The following PLEK2 variants were observed in gnomAD, a reference collection of about 807,000 sequenced individuals.
PLEK2 encodes the protein pleckstrin-2.
In PLEK2, 29 loss-of-function variants were observed where a neutral mutation model predicts 43.8. The observed-to-expected ratio is 0.66, with a 90% CI of 0.49 to 0.90. PLEK2 has a LOEUF of 0.90. Ranked by LOEUF, PLEK2 falls within the 40% of genes least tolerant of loss-of-function variation. The pLI is 0.00. For missense variants in PLEK2, 398 were observed against 448.1 expected (o/e 0.89, Z 1.01); for synonymous variants, 162 against 173.2 (o/e 0.94, Z 0.51).
At chr14:67,401,644 C>G (rs2086049622) in intron 1 of PLEK2, among the ~76,000 whole-genome samples, 1 of 152,146 alleles carries the variant, frequency 6.6e-6, no homozygotes, top group Non-Finnish European at 1.5e-5. Flanking sequence ...TTAGAAGAAA[C>G]CAAACTGCTG....
chr14:67,402,749 G>A (rs2086056946), intron 1 of PLEK2, among the ~76,000 whole-genome samples: 1 of 152,186 alleles, frequency 6.6e-6, no homozygotes, highest in Admixed American at 6.5e-5. Flanking sequence ...TGTTGCAAAT[G>A]ACAGGATCTC....
chr14:67,387,905 G>A (rs2085938070), intron 8 of PLEK2, among the ~76,000 whole-genome samples: 1 of 152,174 alleles, frequency 6.6e-6, no homozygotes, highest in Admixed American at 6.6e-5. Flanking sequence ...TTAGTATTAT[G>A]ATACATATTA....
At chr14:67,396,274 A>G (rs567241539) in intron 2 of PLEK2, among the ~76,000 whole-genome samples, 5 of 151,670 alleles carry the variant, frequency 3.3e-5, no homozygotes, top group Admixed American at 2.6e-4. Flanking sequence ...CAGCCTCTTG[A>G]GTAGATGGGA....
intron 6 of PLEK2, among the ~76,000 whole-genome samples, 157 bp from the exon 7 acceptor site, chr14:67,390,903 A>T (rs550647709): frequency 6.6e-6 from 1 of 152,280 alleles, no homozygotes; most frequent in African/African-American, 2.4e-5. Context: ...TAGCAATGAC[A>T]TGTCACAGAC....
At chr14:67,397,494 A>G (rs886696184) in intron 2 of PLEK2, among the ~76,000 whole-genome samples, 168 bp downstream of exon 2, 1 of 152,214 alleles carries the variant, frequency 6.6e-6, no homozygotes, top group Non-Finnish European at 1.5e-5. Flanking sequence ...AGGTTTAGCT[A>G]CTTGTCCAAG....
chr14:67,412,034 C>T lies in PLEK2; in HGVS notation c.26G>A (p.Gly9Asp). The change falls in exon 1 of 9, where the codon GGC becomes GAC. Residue 9 changes from glycine (G) to aspartate (D), a missense_variant. Gly to Asp is a moderately conservative substitution (Grantham distance 94, BLOSUM62 -1). Coordinates refer to ENST00000216446, the MANE Select transcript of PLEK2 (RefSeq NM_016445.3). ...CGCACTCACCCTCTTGACCAGGAAG[C>T]CCTCCTTGAGCACGCCGTCCTCCAT... MEDGVLKE[G>D]FLVKRGHIVH... is the part of the protein sequence containing the mutation. 1 of 1,558,418 alleles carries T rather than the reference C, an allele frequency of 6.4e-7. No homozygotes were observed. Among genetic ancestry groups the T allele is most frequent in the East Asian group, 2.6e-5 (1 of 38,836 alleles).
intron 1 of PLEK2, among the ~76,000 whole-genome samples, chr14:67,401,303 A>G (rs914524854): frequency 6.6e-6 from 1 of 152,092 alleles, no homozygotes; most frequent in Non-Finnish European, 1.5e-5. Context: ...CCTCAGCAAC[A>G]TAGGAAGACC....
At chr14:67,389,966 T>C (rs1277642569) in intron 7 of PLEK2, among the ~76,000 whole-genome samples, 1 of 151,978 alleles carries the variant, frequency 6.6e-6, no homozygotes, top group Non-Finnish European at 1.5e-5. Context: ...CCTAGCTGGG[T>C]CCAGGCAGGG....
In PLEK2 at chr14:67,406,088, G is replaced by A. The variant is rs148309011; in HGVS notation, c.42+5930C>T. ...AGCCTGGCCAAAAAGGTTAAACCCC[G>A]TCTCTACTAAAAATTCAAAAATTAG... On this transcript the variant is annotated intron_variant, in intron 1 of 8. Coordinates refer to ENST00000216446, the MANE Select transcript of PLEK2 (RefSeq NM_016445.3). 6.6e-3 allele frequency among the ~76,000 whole-genome samples: 996 copies of A among 152,042 alleles called. 11 individuals are homozygous for A. The highest frequency in any genetic ancestry group is 0.02 in the African/African-American group (833 of 41,462).
intron 6 of PLEK2, among the ~76,000 whole-genome samples, chr14:67,391,760 A>T (rs1391345794): frequency 6.6e-6 from 1 of 152,234 alleles, no homozygotes; most frequent in Admixed American, 6.5e-5. Flanking sequence ...GCCGCAGGAC[A>T]CGGCTTGCCT....
At chr14:67,401,621 G>A (rs2086049517) in intron 1 of PLEK2, among the ~76,000 whole-genome samples, 1 of 152,146 alleles carries the variant, frequency 6.6e-6, no homozygotes, top group Admixed American at 6.5e-5. Flanking sequence ...TGCAAGCCAA[G>A]GAGAGAGAGG....
rs2085984249 is a variant in PLEK2 at position 67,393,464 on chromosome 14, T to A, written c.390-223A>T. ...ATTTTTGTTGTTGTTGTTTTTTGTT[T>A]GTTTTTTGAGACAGAGTCTCGCTCC... On this transcript the variant is annotated intron_variant, in intron 3 of 8. Coordinates refer to ENST00000216446, the MANE Select transcript of PLEK2 (RefSeq NM_016445.3). Among the ~76,000 whole-genome samples, 3 of 152,160 alleles carry A rather than the reference T, an allele frequency of 2.0e-5. No individual in the cohort carries two copies. In the South Asian group the frequency reaches 6.2e-4, roughly 32 times the overall value.
At chr14:67,399,814 C>T (rs192794783) in intron 1 of PLEK2, among the ~76,000 whole-genome samples, 1 of 152,302 alleles carries the variant, frequency 6.6e-6, no homozygotes, top group East Asian at 1.9e-4. Flanking sequence ...GTCAGGTGAA[C>T]ATGGAGAGCC....
At chr14:67,408,280 C>T (rs1194855442) in intron 1 of PLEK2, among the ~76,000 whole-genome samples, 1 of 124,038 alleles carries the variant, frequency 8.1e-6, no homozygotes. Flanking sequence ...GAGCAAAATT[C>T]GGTCTCAAAA....
At chr14:67,389,858 G>A (rs771659970) in intron 7 of PLEK2, among the ~76,000 whole-genome samples, 16 of 151,548 alleles carry the variant, frequency 1.1e-4, no homozygotes, top group Non-Finnish European at 1.3e-4. Context: ...AAAGGAAGGA[G>A]TTTGAACTCC....
intron 7 of PLEK2, among the ~76,000 whole-genome samples, chr14:67,389,918 T>C (rs1179986465): frequency 6.6e-6 from 1 of 152,118 alleles, no homozygotes; most frequent in African/African-American, 2.4e-5. Context: ...CTGGAGCTTT[T>C]TGGAGGCTCC....
chr14:67,392,975 G>T, intron 4 of PLEK2, 126 bp from the exon 5 acceptor site: 1 of 871,858 alleles, frequency 1.1e-6, no homozygotes, highest in Non-Finnish European at 1.8e-6. Flanking sequence ...GCAGACTGAA[G>T]GCCACACCTG....
At chr14:67,390,129 A>G (rs2085955947) in intron 7 of PLEK2, among the ~76,000 whole-genome samples, 1 of 152,248 alleles carries the variant, frequency 6.6e-6, no homozygotes, top group East Asian at 1.9e-4. Context: ...TCCACTTAGC[A>G]TGTGGTAATA....
chr14:67,389,526 ATCTCT>A (rs1352235549), intron 7 of PLEK2, among the ~76,000 whole-genome samples: 1 of 152,024 alleles, frequency 6.6e-6, no homozygotes, highest in Non-Finnish European at 1.5e-5. Flanking sequence ...GCTTTGAGTA[ATCTCT>A]TCTGCACTGT....
Sources: allele counts gnomAD v4.1 joint callset (sites outside exome capture counted in the v4.1 genomes callset), GRCh38; gene constraint gnomAD v4.1.1; transcripts MANE v1.5; gene names NCBI Gene and HGNC (gene_info 2026-07-23, HGNC 2026-07-21).